Variants in CENPU observed in about 807,000 individuals in gnomAD.
CENPU encodes the protein KSHV latent nuclear antigen interacting protein 1.
Under a neutral mutation model 56.7 loss-of-function variants are expected in CENPU, and 46 were observed. That is an observed-to-expected ratio of 0.81 (90% confidence interval 0.64 to 1.04). The LOEUF (loss-of-function observed/expected upper bound fraction) is 1.04. Among genes scored for constraint, CENPU ranks in the 50% least tolerant of loss-of-function variants. The pLI is 0.00. For missense variants in CENPU, 510 were observed against 490.1 expected (o/e 1.04, Z -0.38); for synonymous variants, 166 against 163.0 (o/e 1.02, Z -0.14).
chr4:184,712,883 G>A, intron 7 of CENPU, 61 bp downstream of exon 7: 1 of 1,109,242 alleles, frequency 9.0e-7, no homozygotes, highest in Non-Finnish European at 1.3e-6. Context: ...TTAAGAATAG[G>A]GTCTTATTTC....
intron 4 of CENPU, among the ~76,000 whole-genome samples, chr4:184,721,894 T>C (rs561933406): frequency 6.6e-6 from 1 of 152,318 alleles, no homozygotes; most frequent in African/African-American, 2.4e-5. Flanking sequence ...GTAGACCAAA[T>C]GGACCTAACA....
At chr4:184,717,901 G>A (rs1199992633) in intron 4 of CENPU, among the ~76,000 whole-genome samples, 1 of 152,224 alleles carries the variant, frequency 6.6e-6, no homozygotes, top group Non-Finnish European at 1.5e-5. Flanking sequence ...ATTTAAAGCA[G>A]ATGGAAAAGT....
intron 10 of CENPU, 111 bp downstream of exon 10, chr4:184,701,978 T>A: frequency 2.8e-6 from 2 of 707,820 alleles, no homozygotes; most frequent in South Asian, 3.4e-5. Context: ...CCTGACAAGA[T>A]TATGAAATCT....
chr4:184,707,251 A>G (rs4444872), intron 8 of CENPU, among the ~76,000 whole-genome samples: 27,496 of 150,808 alleles, frequency 0.18, 3,334 homozygotes, highest in African/African-American at 0.28. Flanking sequence ...ATGTAGAGAG[A>G]ATAACTGCTG....
At chr4:184,727,779 C>T (rs548763775) in intron 3 of CENPU, among the ~76,000 whole-genome samples, 8 of 152,158 alleles carry the variant, frequency 5.3e-5, no homozygotes, top group Non-Finnish European at 8.8e-5. Context: ...TAACAAGCTG[C>T]GGTATATCCA....
rs73874423 is a variant in CENPU at position 184,716,727 on chromosome 4, T to A, written c.382-94A>T. 1,754 of 960,430 alleles carry A rather than the reference T, an allele frequency of 1.8e-3. 22 individuals carry two copies. The African/African-American group carries it at 0.025, about 13-fold the overall frequency. 59.5% of individuals were successfully genotyped at this position (960,430 alleles called of 1,614,324 possible). The stretch of plus-strand genomic sequence containing the variant: ...TAGAAAACCATATATATAGTCCACA[T>A]TTCTCACTTCTACACTTCAAAATTG... On this transcript the variant is annotated intron_variant, in intron 5 of 12. Coordinates refer to ENST00000281453, the MANE Select transcript of CENPU (RefSeq NM_024629.4).
At chr4:184,704,827 G>C (rs1235921905) in intron 8 of CENPU, among the ~76,000 whole-genome samples, 2 of 152,146 alleles carry the variant, frequency 1.3e-5, no homozygotes, top group East Asian at 3.8e-4. Flanking sequence ...CGTTTCCTAA[G>C]GCTTTAGTTC....
At position 184,718,843 on chromosome 4, in the gene CENPU, A is replaced by G. The variant is rs566554489; in HGVS notation, c.321-1647T>C. Reference sequence around the variant, plus strand: ...TTCACTGACACTAGATGAGAAGGAAAAGGATGAAGCTCAGTTTTGCCTTTG... The same window carrying G: ...TTCACTGACACTAGATGAGAAGGAAGAGGATGAAGCTCAGTTTTGCCTTTG... On this transcript the variant is annotated intron_variant, in intron 4 of 12. Transcript: ENST00000281453. Among the ~76,000 whole-genome samples, 90 of 152,286 alleles carry G rather than the reference A, an allele frequency of 5.9e-4. 1 individual carries two copies. Among genetic ancestry groups the G allele is most frequent in the African/African-American group, 2.1e-3 (87 of 41,562 alleles).
At chr4:184,711,640 G>A (rs528565474) in intron 7 of CENPU, among the ~76,000 whole-genome samples, 1 of 152,084 alleles carries the variant, frequency 6.6e-6, no homozygotes, top group African/African-American at 2.4e-5. Context: ...TTTAAACTGT[G>A]CACTTAAACA....
At chr4:184,702,204 G>T in intron 9 of CENPU, 68 bp from the exon 10 acceptor site, 1 of 1,308,816 alleles carries the variant, frequency 7.6e-7, no homozygotes, top group South Asian at 1.2e-5. Context: ...TTTCACATGT[G>T]TCACATTTAG....
rs6822151 is a variant in CENPU at position 184,711,807 on chromosome 4, C to T, written c.688+1137G>A. Reference sequence around the variant, plus strand: ...TTTACCCAAGAGAAATGAAAACATACGTTCGCAAAAAAATGTGTATAAAAA... The same window carrying T: ...TTTACCCAAGAGAAATGAAAACATATGTTCGCAAAAAAATGTGTATAAAAA... On this transcript the variant is annotated intron_variant, in intron 7 of 12. Coordinates refer to ENST00000281453, the MANE Select transcript of CENPU (RefSeq NM_024629.4). Among the ~76,000 whole-genome samples the T allele has an allele frequency of 8.8e-3, 1,338 of 152,032 alleles. 19 individuals are homozygous for T. The highest frequency in any genetic ancestry group is 0.031 in the African/African-American group (1,283 of 41,466).
At chr4:184,706,986 A>AAT (rs1424250644) in intron 8 of CENPU, among the ~76,000 whole-genome samples, 14 of 151,286 alleles carry the variant, frequency 9.3e-5, no homozygotes, top group Non-Finnish European at 1.9e-4. Flanking sequence ...AGAAGTCTAT[A>AAT]ATAAGCTTCC....
Position 184,695,010 on chromosome 4 carries a change from A to C in CENPU, c.*278T>G. On this transcript the variant is annotated 3_prime_UTR_variant, in exon 13 of 13. Transcript: ENST00000281453. ...ATTATGTTCACATCAACTTAATTTT[A>C]CAAGTTTATTATAGCTCATACCTGG... The C allele has an allele frequency of 1.8e-6, 1 of 545,516 alleles. No individual in the cohort carries two copies. The highest frequency in any genetic ancestry group is 3.2e-6 in the Non-Finnish European group (1 of 308,886). The allele number at this position is 545,516 out of a possible 1,614,324, so 33.8% of individuals were successfully genotyped here. A position where few individuals can be genotyped will look rare whatever the true frequency, so the allele number is the denominator to read the frequency against.
rs1554012277 is a variant in CENPU, at chr4:184,722,715, CAAA to C, written c.320+2239_320+2241del. On this transcript the variant is annotated intron_variant, in intron 4 of 12. Transcript: ENST00000281453. Reference sequence around the variant, plus strand: ...AAAAACAAAACAAAACAAAACAAAACAAAAAAAAACTGTAACATAGGGCTAATC... The same window carrying C: ...AAAAACAAAACAAAACAAAACAAAACAAAAAACTGTAACATAGGGCTAATC... Among the ~76,000 whole-genome samples the C allele has an allele frequency of 5.4e-3, 641 of 119,096 alleles. 5 individuals are homozygous for C. The highest frequency in any genetic ancestry group is 0.02 in the African/African-American group (593 of 29,900). The allele number at this position is 119,096 out of a possible 152,430, so 78.1% of individuals were successfully genotyped here.
Position 184,728,999 on chromosome 4 carries a change from C to G in CENPU, c.133G>C (p.Asp45His), listed in dbSNP as rs370306626. 6.2e-7 allele frequency: 1 copy of G among 1,614,060 alleles called. No homozygotes were observed. The highest frequency in any genetic ancestry group is 8.5e-7 in the Non-Finnish European group (1 of 1,179,988). ...GAGACATCAGAATTATCAGGAAAGT[C>G]GAACACGTCAATAGGCTTGCACTTT... ...GQKCKPIDVFDFPDNSDVSSI... is the reference protein window; with the variant it reads ...GQKCKPIDVFHFPDNSDVSSI... Residue 45 changes from aspartate to histidine, a missense_variant, in exon 3 of 13, where the codon GAC (aspartate) becomes CAC (histidine). By Grantham distance (81) the Asp-to-His change is moderately conservative. Transcript: ENST00000281453.
At chr4:184,733,493 G>A in intron 1 of CENPU, 2 of 853,716 alleles carry the variant, frequency 2.3e-6, no homozygotes, top group Non-Finnish European at 2.8e-6. Context: ...CCAAACGCTC[G>A]CTTTCTTTGG....
rs1265727163 is a variant in CENPU, at chr4:184,694,595, C to T, written c.*693G>A. On this transcript the variant is annotated 3_prime_UTR_variant, in exon 13 of 13. Transcript: ENST00000281453. ...ACCCAGAATCCTCATAAACCATCAC[C>T]TAGCAGGCTGTCAACAGGTGCATCT... The T allele has an allele frequency of 1.9e-6, 3 of 1,614,016 alleles. No homozygotes were observed. The highest frequency in any genetic ancestry group is 2.7e-5 in the African/African-American group (2 of 74,926).
intron 5 of CENPU, 72 bp downstream of exon 5, chr4:184,717,064 A>T: frequency 1.0e-6 from 1 of 971,782 alleles, no homozygotes; most frequent in Non-Finnish European, 1.6e-6. Flanking sequence ...TATTTTACAG[A>T]ACATTTTCTG....
intron 1 of CENPU, among the ~76,000 whole-genome samples, chr4:184,731,731 G>T (rs1190372541): frequency 6.6e-6 from 1 of 152,138 alleles, no homozygotes; most frequent in Admixed American, 6.5e-5. Context: ...ATGCCATGCA[G>T]ATTGCAGCCA....
Sources: gnomAD v4.1 joint callset for allele counts (sites outside exome capture counted in the v4.1 genomes callset) on GRCh38, gnomAD v4.1.1 for gene constraint, MANE v1.5 for transcripts, NCBI Gene and HGNC (gene_info 2026-07-23, HGNC 2026-07-21) for gene names.